KALRN: variants seen among roughly 807,000 people sequenced by gnomAD.
KALRN encodes the protein kalirin.
KALRN carries 70 observed loss-of-function variants against 353.7 expected under a neutral mutation model. The ratio of observed to expected loss-of-function variants is 0.20; its 90% CI spans 0.16 to 0.24. KALRN has a LOEUF of 0.24. Among genes scored for constraint, KALRN ranks in the 10% least tolerant of loss-of-function variants. The pLI is 1.00. For synonymous variants in KALRN, 1,391 were observed against 1,434.8 expected, an observed-to-expected ratio of 0.97 and a Z score of 0.69; for missense variants, 2,791 against 3,756.7, an observed-to-expected ratio of 0.74 and a Z score of 6.72.
At chr3:124,195,313 C>T (rs1374745597) in intron 1 of KALRN, among the ~76,000 whole-genome samples, 1 of 152,142 alleles carries the variant, frequency 6.6e-6, no homozygotes, top group African/African-American at 2.4e-5. Context: ...AGACCTACCT[C>T]TTGGGATGCT....
At chr3:124,165,506 C>G (rs1334618168) in intron 1 of KALRN, among the ~76,000 whole-genome samples, 1 of 152,154 alleles carries the variant, frequency 6.6e-6, no homozygotes, top group Non-Finnish European at 1.5e-5. Flanking sequence ...CTATCCACCT[C>G]CATAGCAACC....
At chr3:124,585,102 G>C (rs1455170838) in intron 34 of KALRN, among the ~76,000 whole-genome samples, 1 of 152,198 alleles carries the variant, frequency 6.6e-6, no homozygotes, top group African/African-American at 2.4e-5. Context: ...GCGCGCGCTC[G>C]CTGGCTGGCG....
chr3:124,447,832 C>G (rs1312319101), intron 21 of KALRN, among the ~76,000 whole-genome samples: 2 of 152,166 alleles, frequency 1.3e-5, no homozygotes, highest in African/African-American at 4.8e-5. Flanking sequence ...TATTGGGGAG[C>G]CTCTCCCTGC....
At chr3:124,289,494 A>G (rs774888698) in intron 5 of KALRN, among the ~76,000 whole-genome samples, 8 of 152,188 alleles carry the variant, frequency 5.3e-5, no homozygotes, top group Non-Finnish European at 1.2e-4. Flanking sequence ...CTCTACCTAA[A>G]AAAAAAATAA....
At chr3:124,103,168 C>T (rs1314570832) in intron 1 of KALRN, among the ~76,000 whole-genome samples, 4 of 152,158 alleles carry the variant, frequency 2.6e-5, no homozygotes, top group African/African-American at 7.2e-5. Flanking sequence ...GGTAGTAGAG[C>T]GTATCATTGG....
intron 23 of KALRN, among the ~76,000 whole-genome samples, chr3:124,460,180 T>C (rs1199161166): frequency 6.6e-6 from 1 of 152,168 alleles, no homozygotes; most frequent in Non-Finnish European, 1.5e-5. Context: ...AGTACTGCAG[T>C]GATACTGTTT....
At chr3:124,701,910 C>T in intron 56 of KALRN, 128 bp from the exon 57 acceptor site, 4 of 634,868 alleles carry the variant, frequency 6.3e-6, no homozygotes, top group Non-Finnish European at 1.1e-5. Flanking sequence ...GGCATTTTCC[C>T]ACTGAGTCAG....
chr3:124,615,023 C>G (rs1478781202), intron 34 of KALRN, among the ~76,000 whole-genome samples: 1 of 152,200 alleles, frequency 6.6e-6, no homozygotes, highest in Non-Finnish European at 1.5e-5. Context: ...TAATTTGTCA[C>G]ATATATGACC....
chr3:124,213,931 A>G (rs1214042326), intron 1 of KALRN, among the ~76,000 whole-genome samples: 3 of 152,208 alleles, frequency 2.0e-5, no homozygotes, highest in Non-Finnish European at 4.4e-5. Context: ...TTGACTTGTT[A>G]TCATAACCAC....
chr3:124,290,241 G>A (rs1051377073), intron 5 of KALRN, among the ~76,000 whole-genome samples: 1 of 152,106 alleles, frequency 6.6e-6, no homozygotes, highest in Non-Finnish European at 1.5e-5. Context: ...AAGCCAGATG[G>A]GCTGCTGCTG....
At chr3:124,501,557 G>T (rs927664859) in intron 33 of KALRN, among the ~76,000 whole-genome samples, 1 of 152,136 alleles carries the variant, frequency 6.6e-6, no homozygotes. Flanking sequence ...ATAATAAGCC[G>T]TAGCATGACG....
At chr3:124,553,583 C>T (rs1265183277) in intron 33 of KALRN, among the ~76,000 whole-genome samples, 1 of 152,188 alleles carries the variant, frequency 6.6e-6, no homozygotes, top group Non-Finnish European at 1.5e-5. Context: ...CCATGAATTG[C>T]TCTTTTTGAT....
intron 5 of KALRN, among the ~76,000 whole-genome samples, chr3:124,285,286 A>G (rs535875781): frequency 1.6e-4 from 25 of 152,242 alleles, no homozygotes; most frequent in African/African-American, 5.8e-4. Context: ...AGAGTCTATC[A>G]TGTCCCATTT....
At chr3:124,620,816 C>T (rs2079181654) in intron 34 of KALRN, among the ~76,000 whole-genome samples, 1 of 152,194 alleles carries the variant, frequency 6.6e-6, no homozygotes, top group African/African-American at 2.4e-5. Flanking sequence ...GTCTCTGACT[C>T]AGACAGAGGA....
At chr3:124,496,556 G>A (rs918138826) in intron 33 of KALRN, 143 bp downstream of exon 33, 1 of 645,632 alleles carries the variant, frequency 1.5e-6, no homozygotes, top group African/African-American at 1.8e-5. Flanking sequence ...AAGGAGGAAA[G>A]AACAGGGCTG....
chr3:124,536,196 C>CTTTT (rs34435871), intron 33 of KALRN, among the ~76,000 whole-genome samples: 114 of 99,140 alleles, frequency 1.1e-3, no homozygotes, highest in African/African-American at 2.9e-3. Flanking sequence ...CATCCATACT[C>CTTTT]TTTTTTTTTT....
intron 45 of KALRN, 69 bp downstream of exon 45, chr3:124,661,997 C>CAGGGGGAGGAAG: frequency 7.9e-7 from 1 of 1,271,644 alleles, no homozygotes; most frequent in Non-Finnish European, 1.1e-6. Context: ...GTTGCGGCTT[C>CAGGGGGAGGAAG]CTCCCCCTGA....
chr3:124,610,920 G>A (rs937319766), intron 34 of KALRN, among the ~76,000 whole-genome samples: 1 of 152,106 alleles, frequency 6.6e-6, no homozygotes, highest in Non-Finnish European at 1.5e-5. Flanking sequence ...CCAATTACTG[G>A]GAAGCTGTGG....
chr3:124,290,972 CA>C (rs1186289601), intron 5 of KALRN, among the ~76,000 whole-genome samples: 1 of 152,170 alleles, frequency 6.6e-6, no homozygotes, highest in Non-Finnish European at 1.5e-5. Flanking sequence ...AATATGAGCA[CA>C]ACACCTACCA....
Sources: gnomAD v4.1 joint callset for allele counts (sites outside exome capture counted in the v4.1 genomes callset) on GRCh38, gnomAD v4.1.1 for gene constraint, MANE v1.5 for transcripts, NCBI Gene and HGNC (gene_info 2026-07-23, HGNC 2026-07-21) for gene names.